Variants in NSMCE2 observed in about 807,000 individuals in gnomAD.
The protein encoded by NSMCE2 is NSE2 SUMO ligase component of SMC5/6 complex.
In NSMCE2, 24 loss-of-function variants were observed where a neutral mutation model predicts 23.8. That is an observed-to-expected ratio of 1.01 (90% CI 0.73 to 1.42). The LOEUF (loss-of-function observed/expected upper bound fraction) is 1.42. NSMCE2 is among the 40% of genes most tolerant of loss of function. The probability of loss-of-function intolerance (pLI) is 0.00; values close to 1 mark genes in which losing one functional copy is unlikely to be tolerated. For missense variants in NSMCE2, 284 were observed against 296.5 expected (o/e 0.96, Z 0.31); for synonymous variants, 92 against 94.1 (o/e 0.98, Z 0.13).
chr8:125,111,896 A>C (rs1026383035), intron 3 of NSMCE2, among the ~76,000 whole-genome samples: 2 of 152,220 alleles, frequency 1.3e-5, no homozygotes. Flanking sequence ...AAAGACTTAC[A>C]TTCTGGATTT....
chr8:125,348,938 C>T (rs969314446), intron 5 of NSMCE2: 2 of 151,756 alleles, frequency 1.3e-5, no homozygotes, highest in African/African-American at 4.9e-5. Context: ...CAGGACAGGC[C>T]ACCAGTCCCA....
chr8:125,242,982 A>G (rs1048820414), intron 5 of NSMCE2, among the ~76,000 whole-genome samples: 4 of 152,102 alleles, frequency 2.6e-5, no homozygotes, highest in African/African-American at 7.2e-5. Context: ...AACATTTTTG[A>G]TAGAACACTC....
At chr8:125,109,935 C>T (rs970555623) in intron 3 of NSMCE2, among the ~76,000 whole-genome samples, 2 of 151,744 alleles carry the variant, frequency 1.3e-5, no homozygotes, top group Non-Finnish European at 2.9e-5. Context: ...TTGAGATTAC[C>T]GAAGCTTATT....
chr8:125,352,362 G>A (rs1041016497), intron 5 of NSMCE2, among the ~76,000 whole-genome samples: 3 of 151,832 alleles, frequency 2.0e-5, no homozygotes, highest in African/African-American at 7.3e-5. Context: ...TGTAATCCCA[G>A]CTACTCGGGA....
chr8:125,183,900 G>A (rs902415108), intron 5 of NSMCE2, among the ~76,000 whole-genome samples: 5 of 151,888 alleles, frequency 3.3e-5, no homozygotes, highest in African/African-American at 7.3e-5. Context: ...TGAAAAGACC[G>A]AGAACTATTC....
intron 5 of NSMCE2, among the ~76,000 whole-genome samples, chr8:125,293,475 G>T (rs12542512): frequency 0.21 from 28,546 of 137,436 alleles, 4,164 homozygotes; most frequent in South Asian, 0.31. Flanking sequence ...ACTGACTCCA[G>T]TGGGTTAATT....
intron 5 of NSMCE2, among the ~76,000 whole-genome samples, chr8:125,291,166 A>G (rs565111158): frequency 6.6e-6 from 1 of 152,314 alleles, no homozygotes; most frequent in African/African-American, 2.4e-5. Context: ...AAACTTTCAG[A>G]GGTAGGTGAT....
At chr8:125,283,803 T>G (rs1023199893) in intron 5 of NSMCE2, among the ~76,000 whole-genome samples, 4 of 152,156 alleles carry the variant, frequency 2.6e-5, no homozygotes, top group African/African-American at 9.7e-5. Flanking sequence ...TTTTGCCTCT[T>G]TGTTTCAACT....
At chr8:125,188,278 C>A (rs142621697) in intron 5 of NSMCE2, among the ~76,000 whole-genome samples, 16 of 152,324 alleles carry the variant, frequency 1.1e-4, no homozygotes, top group Non-Finnish European at 2.2e-4. Context: ...AGTGTAGTTG[C>A]ACAAGGGTAG....
intron 3 of NSMCE2, among the ~76,000 whole-genome samples, chr8:125,121,362 C>A (rs999913394): frequency 1.3e-5 from 2 of 152,116 alleles, no homozygotes; most frequent in African/African-American, 4.8e-5. Context: ...CTTTATTGTA[C>A]AATACTGATT....
chr8:125,246,948 A>G (rs1825993467), intron 5 of NSMCE2, among the ~76,000 whole-genome samples: 1 of 152,070 alleles, frequency 6.6e-6, no homozygotes, highest in African/African-American at 2.4e-5. Flanking sequence ...TAAGTATTTC[A>G]AACCAATCTC....
Position 125,275,028 on chromosome 8 carries a change from TAATAATA to T in NSMCE2, c.419-82186_419-82180del, listed in dbSNP as rs1827393389. On this transcript the variant is annotated intron_variant, in intron 5 of 7. Coordinates refer to ENST00000287437, the MANE Select transcript of NSMCE2 (RefSeq NM_173685.4). Reference sequence around the variant, plus strand: ...ATAATAATAATAATAATAATAATAATAATAATAAATAGAATAATATCCTAGGTGGCTT... The same window carrying T: ...ATAATAATAATAATAATAATAATAATAATAGAATAATATCCTAGGTGGCTT... Among the ~76,000 whole-genome samples the T allele has an allele frequency of 2.4e-5, 3 of 127,250 alleles. No individual in the cohort carries two copies. The Admixed American group carries it at 2.4e-4, about 10-fold the overall frequency. The allele number at this position is 127,250 out of a possible 152,430, so 83.5% of individuals were successfully genotyped here.
At chr8:125,364,354 CT>C (rs763365849) in intron 7 of NSMCE2, among the ~76,000 whole-genome samples, 8 of 152,300 alleles carry the variant, frequency 5.3e-5, no homozygotes, top group South Asian at 2.1e-4. Flanking sequence ...CCAAGAAATA[CT>C]TTCTTTCATG....
rs142511311 is a variant in NSMCE2 at position 125,107,327 on chromosome 8, C to T, written c.157+4840C>T. Among the ~76,000 whole-genome samples, 1,393 of 151,692 alleles carry T rather than the reference C, an allele frequency of 9.2e-3. 26 individuals carry two copies. Among genetic ancestry groups the T allele is most frequent in the African/African-American group, 0.031 (1,288 of 41,324 alleles). ...TCAGCCTCCTGAGTCCTGAGTAGCT[C>T]GGATTACAGGTGCACACCACCATGC... On this transcript the variant is annotated intron_variant, in intron 3 of 7. Coordinates refer to ENST00000287437, the MANE Select transcript of NSMCE2 (RefSeq NM_173685.4).
rs77635110 is a variant in NSMCE2 at position 125,294,989 on chromosome 8, T to A, written c.419-62230T>A. On this transcript the variant is annotated intron_variant, in intron 5 of 7. Coordinates refer to ENST00000287437, the MANE Select transcript of NSMCE2 (RefSeq NM_173685.4). ...ACAGTGAACTTTTTCTCCTCTGTGATCCATCAGTCTGTGTCTCATTGTGGG... is the reference window on the plus strand; with the variant it reads ...ACAGTGAACTTTTTCTCCTCTGTGAACCATCAGTCTGTGTCTCATTGTGGG... 2.0e-4 allele frequency among the ~76,000 whole-genome samples: 31 copies of A among 152,326 alleles called. 1 individual carries two copies. In the East Asian group the frequency reaches 6.0e-3, roughly 29 times the overall value.
intron 5 of NSMCE2, among the ~76,000 whole-genome samples, chr8:125,274,086 T>C (rs1278546185): frequency 6.6e-6 from 1 of 152,162 alleles, no homozygotes; most frequent in African/African-American, 2.4e-5. Context: ...TTCAGAGCTC[T>C]TGAGACAAGG....
At chr8:125,094,184 GCAGA>G (rs931535628) in intron 1 of NSMCE2, among the ~76,000 whole-genome samples, 22 of 152,246 alleles carry the variant, frequency 1.4e-4, no homozygotes, top group African/African-American at 4.6e-4. Context: ...TCTGACTGAA[GCAGA>G]CAGTTAATTT....
At chr8:125,270,545 T>C (rs551191431) in intron 5 of NSMCE2, 1 of 152,322 alleles carries the variant, frequency 6.6e-6, no homozygotes, top group East Asian at 1.9e-4. Context: ...TTGCTTTAAA[T>C]AGAAGCAAGT....
chr8:125,139,899 A>G (rs1342187947), intron 3 of NSMCE2, among the ~76,000 whole-genome samples: 2 of 152,208 alleles, frequency 1.3e-5, no homozygotes, highest in Non-Finnish European at 2.9e-5. Flanking sequence ...CAGAGATACA[A>G]TTTTCATCGT....
Sources: gnomAD v4.1 joint callset for allele counts (sites outside exome capture counted in the v4.1 genomes callset) on GRCh38, gnomAD v4.1.1 for gene constraint, MANE v1.5 for transcripts, NCBI Gene and HGNC (gene_info 2026-07-23, HGNC 2026-07-21) for gene names.